The following IL33 variants were observed in gnomAD, a reference collection of about 807,000 sequenced individuals.
IL33 encodes the protein interleukin-33.
A neutral mutation model predicts 27.3 loss-of-function variants in IL33; 37 were observed. The ratio of observed to expected loss-of-function variants is 1.36; its 90% CI spans 1.04 to 1.78. The LOEUF is 1.78. IL33 is among the 40% of genes most tolerant of loss of function. The probability of loss-of-function intolerance (pLI) is 0.00; values close to 1 mark genes in which losing one functional copy is unlikely to be tolerated. For synonymous variants in IL33, 132 were observed against 102.9 expected, an observed-to-expected ratio of 1.28 and a Z score of -1.71; for missense variants, 406 against 311.4, an observed-to-expected ratio of 1.30 and a Z score of -2.29.
At chr9:6,244,146 T>G (rs758354629) in intron 2 of IL33, among the ~76,000 whole-genome samples, 1 of 152,152 alleles carries the variant, frequency 6.6e-6, no homozygotes, top group African/African-American at 2.4e-5. Context: ...GTTGGTGGTA[T>G]TGATACAAAA....
At position 6,256,074 on chromosome 9, in the gene IL33, T is replaced by C. The variant is rs766682201; in HGVS notation, c.719T>C (p.Ile240Thr). 16 of 1,612,950 alleles carry C rather than the reference T, an allele frequency of 9.9e-6. No individual in the cohort carries two copies. The Admixed American group carries it at 1.8e-4, about 18-fold the overall frequency. The change falls in exon 8 of 8, where the codon ATA becomes ACA. Residue 240 changes from isoleucine to threonine, a missense_variant. Physicochemically the swap from Ile to Thr is moderately conservative, Grantham distance 89. Coordinates refer to ENST00000682010, the MANE Select transcript of IL33 (RefSeq NM_033439.4). The part of the protein sequence containing the change: ...FECKTDPGVF[I>T]GVKDNHLALI... ...TGCAAGACTGATCCTGGAGTGTTTA[T>C]AGGTGTAAAGGATAATCATCTTGCT... is the stretch of plus-strand genomic sequence containing the variant.
At chr9:6,232,789 C>G (rs1422281837) in intron 1 of IL33, among the ~76,000 whole-genome samples, 2 of 152,170 alleles carry the variant, frequency 1.3e-5, no homozygotes, top group Admixed American at 6.5e-5. Context: ...GATTTCATTG[C>G]TGTTGTCACC....
intron 1 of IL33, among the ~76,000 whole-genome samples, chr9:6,227,147 C>A (rs185943801): frequency 1.8e-4 from 27 of 152,308 alleles, no homozygotes; most frequent in Admixed American, 1.6e-3. Context: ...CTGGGTATTC[C>A]CTTCTGCCGA....
At chr9:6,253,632 C>G in intron 6 of IL33, 30 bp downstream of exon 6, 1 of 1,557,732 alleles carries the variant, frequency 6.4e-7, no homozygotes, top group East Asian at 2.3e-5. Context: ...AGCTGTAGTG[C>G]TTGAATTCTT....
chr9:6,219,845 A>C (rs1891385), intron 1 of IL33, among the ~76,000 whole-genome samples: 16,283 of 152,208 alleles, frequency 0.11, 1,178 homozygotes, highest in East Asian at 0.25. Context: ...GTGGGATTTG[A>C]AAAGATTTTA....
At chr9:6,240,501 G>A (rs887694319) in intron 1 of IL33, among the ~76,000 whole-genome samples, 1 of 152,196 alleles carries the variant, frequency 6.6e-6, no homozygotes, top group Non-Finnish European at 1.5e-5. Flanking sequence ...ATTATAAAAT[G>A]TCAATTCTAA....
At chr9:6,241,281 AAGT>A (rs1230646766) in intron 1 of IL33, among the ~76,000 whole-genome samples, 2 of 152,236 alleles carry the variant, frequency 1.3e-5, no homozygotes, top group African/African-American at 2.4e-5. Flanking sequence ...ATTTGTTACC[AAGT>A]ATTATATACT....
intron 6 of IL33, among the ~76,000 whole-genome samples, chr9:6,254,205 C>T (rs1816586418): frequency 6.6e-6 from 1 of 152,048 alleles, no homozygotes; most frequent in Non-Finnish European, 1.5e-5. Context: ...AAAGCTGATG[C>T]CCCGAGAAGT....
At chr9:6,249,151 T>G (rs1184744338) in intron 2 of IL33, among the ~76,000 whole-genome samples, 1 of 152,198 alleles carries the variant, frequency 6.6e-6, no homozygotes, top group Non-Finnish European at 1.5e-5. Context: ...TTAAGTGGTC[T>G]CCCCTTATTA....
rs182211245 is a variant in IL33, at chr9:6,230,736, T to C, written c.-11-10948T>C. On this transcript the variant is annotated intron_variant, in intron 1 of 7. Coordinates refer to ENST00000682010, the MANE Select transcript of IL33 (RefSeq NM_033439.4). The stretch of plus-strand genomic sequence containing the variant: ...CCAGCAATATGTTCATTCATCCCAC[T>C]ATATCCTCATAGATCCTCTTCCCAT... 1.3e-3 allele frequency among the ~76,000 whole-genome samples: 193 copies of C among 152,280 alleles called. 2 individuals are homozygous for C. The highest frequency in any genetic ancestry group is 0.011 in the East Asian group (55 of 5,178).
intron 1 of IL33, among the ~76,000 whole-genome samples, chr9:6,227,438 C>G (rs898965933): frequency 6.6e-6 from 1 of 152,122 alleles, no homozygotes; most frequent in African/African-American, 2.4e-5. Context: ...ATCAGGAGGG[C>G]TGTTCATGGT....
chr9:6,216,983 T>G (rs1392488775), intron 1 of IL33, among the ~76,000 whole-genome samples: 1 of 152,180 alleles, frequency 6.6e-6, no homozygotes, highest in African/African-American at 2.4e-5. Context: ...TTCAAAGTTA[T>G]TATTCAAATC....
chr9:6,247,105 C>A (rs1819903934), intron 2 of IL33, among the ~76,000 whole-genome samples: 1 of 152,138 alleles, frequency 6.6e-6, no homozygotes, highest in South Asian at 2.1e-4. Flanking sequence ...GGGGAGTCAT[C>A]AGCCTCTAAA....
chr9:6,231,817 A>G (rs533360817), intron 1 of IL33, among the ~76,000 whole-genome samples: 2 of 152,300 alleles, frequency 1.3e-5, no homozygotes, highest in South Asian at 4.1e-4. Flanking sequence ...TTTCCTTACA[A>G]TCATTCCCAG....
At chr9:6,239,709 A>G (rs1486379110) in intron 1 of IL33, among the ~76,000 whole-genome samples, 1 of 152,118 alleles carries the variant, frequency 6.6e-6, no homozygotes, top group Non-Finnish European at 1.5e-5. Flanking sequence ...TTGTGGGACC[A>G]AGAACTCCGG....
chr9:6,241,928 G>C, intron 2 of IL33, 143 bp downstream of exon 2: 1 of 625,824 alleles, frequency 1.6e-6, no homozygotes, highest in Non-Finnish European at 2.7e-6. Context: ...GGCACATAAG[G>C]GTATAATACA....
intron 4 of IL33, among the ~76,000 whole-genome samples, chr9:6,252,096 C>A (rs58994941): frequency 0.062 from 4,638 of 74,658 alleles, 645 homozygotes; most frequent in East Asian, 0.16. Context: ...AACAAAAAAA[C>A]CAACTTTACC....
rs188116732 is a variant in IL33 at position 6,239,136 on chromosome 9, G to A, written c.-11-2548G>A. On this transcript the variant is annotated intron_variant, in intron 1 of 7. Transcript: ENST00000682010. ...AAAGAGCAGCCTGAGAGATCAAGCC[G>A]CAAACATAGAAAAGGAAGCAAGCTC... Among the ~76,000 whole-genome samples, 6 of 152,260 alleles carry A rather than the reference G, an allele frequency of 3.9e-5. No individual in the cohort carries two copies. In the East Asian group the frequency reaches 5.8e-4, roughly 15 times the overall value.
In IL33 at chr9:6,251,327, A is replaced by T; in HGVS notation, c.343+62A>T. 3.1e-6 allele frequency: 5 copies of T among 1,597,488 alleles called. No homozygotes were observed. In the South Asian group the frequency reaches 5.6e-5, roughly 18 times the overall value. On this transcript the variant is annotated intron_variant, in intron 4 of 7. Transcript: ENST00000682010. ...GGGAGGTATGACACAGGACCCCGGA[A>T]AGTGCTACTCCAGGTAGCAGTCCCA...
Sources: allele counts gnomAD v4.1 joint callset (sites outside exome capture counted in the v4.1 genomes callset), GRCh38; gene constraint gnomAD v4.1.1; transcripts MANE v1.5; gene names NCBI Gene and HGNC (gene_info 2026-07-23, HGNC 2026-07-21).